Variants in BRINP3 observed in about 807,000 individuals in gnomAD.
The protein encoded by BRINP3 is BMP/retinoic acid inducible neural specific 3.
A neutral mutation model predicts 71.0 loss-of-function variants in BRINP3; 19 were observed. The ratio of observed to expected loss-of-function variants is 0.27; its 90% confidence interval spans 0.19 to 0.39. BRINP3 has a LOEUF of 0.39. Among genes scored for constraint, BRINP3 ranks in the 10% least tolerant of loss-of-function variants. BRINP3 has a pLI of 1.00. For synonymous variants in BRINP3, 380 were observed against 337.7 expected (o/e 1.13, Z -1.37); for missense variants, 959 against 940.8 (o/e 1.02, Z -0.25).
intron 2 of BRINP3, among the ~76,000 whole-genome samples, chr1:190,318,396 AT>A (rs1666025281): frequency 2.0e-5 from 3 of 152,094 alleles, no homozygotes; most frequent in Admixed American, 2.0e-4. Context: ...CTTTCACTTG[AT>A]TACAGGAGTT....
chr1:190,361,948 G>C (rs548848790), intron 2 of BRINP3: 1 of 152,158 alleles, frequency 6.6e-6, no homozygotes, highest in East Asian at 1.9e-4. Flanking sequence ...CTTTATAGAA[G>C]TAATTAGGGT....
chr1:190,350,772 C>T (rs940731087), intron 2 of BRINP3, among the ~76,000 whole-genome samples: 4 of 151,590 alleles, frequency 2.6e-5, no homozygotes, highest in Non-Finnish European at 5.9e-5. Flanking sequence ...TTATGTTCCC[C>T]ACTATAGTTT....
At chr1:190,291,475 T>C (rs1055353551) in intron 2 of BRINP3, among the ~76,000 whole-genome samples, 1 of 152,026 alleles carries the variant, frequency 6.6e-6, no homozygotes, top group African/African-American at 2.4e-5. Context: ...AAAAATACCC[T>C]GATTTGAAAA....
intron 2 of BRINP3, among the ~76,000 whole-genome samples, chr1:190,357,498 C>A (rs12084962): frequency 0.18 from 27,219 of 151,710 alleles, 2,646 homozygotes; most frequent in African/African-American, 0.23. Context: ...AATCTGTAGT[C>A]AGTGTGGTAT....
At chr1:190,259,615 AAAATAAATAAAT>A (rs144685496) in intron 4 of BRINP3, among the ~76,000 whole-genome samples, 2,337 of 140,136 alleles carry the variant, frequency 0.017, 42 homozygotes, top group African/African-American at 0.043. Context: ...AATTAGGCAA[AAAATAAATAAAT>A]AAATAAATAA....
At chr1:190,398,047 T>C (rs1671690555) in intron 2 of BRINP3, among the ~76,000 whole-genome samples, 1 of 152,130 alleles carries the variant, frequency 6.6e-6, no homozygotes, top group South Asian at 2.1e-4. Flanking sequence ...TGTGTTCTTT[T>C]AAGCCACAAG....
chr1:190,394,838 G>GAC (rs1329110538), intron 2 of BRINP3, among the ~76,000 whole-genome samples: 1 of 151,306 alleles, frequency 6.6e-6, no homozygotes, highest in Non-Finnish European at 1.5e-5. Flanking sequence ...TTAACTCTGG[G>GAC]GAGTACACAG....
intron 7 of BRINP3, among the ~76,000 whole-genome samples, chr1:190,139,451 C>CAAAA (rs11315431): frequency 6.9e-4 from 60 of 86,954 alleles, no homozygotes; most frequent in Middle Eastern, 6.0e-3. Flanking sequence ...GACTCTGTCT[C>CAAAA]AAAAAAAAAA....
At chr1:190,369,700 G>A (rs2102180742) in intron 2 of BRINP3, among the ~76,000 whole-genome samples, 1 of 151,982 alleles carries the variant, frequency 6.6e-6, no homozygotes, top group African/African-American at 2.4e-5. Flanking sequence ...GAGTATTTAT[G>A]TACTTTCTGT....
chr1:190,295,619 G>T (rs78150981), intron 2 of BRINP3, among the ~76,000 whole-genome samples: 2 of 152,114 alleles, frequency 1.3e-5, no homozygotes, highest in Non-Finnish European at 2.9e-5. Flanking sequence ...TACTTGGGTG[G>T]CAGATTCCTC....
intron 4 of BRINP3, among the ~76,000 whole-genome samples, chr1:190,237,436 T>C (rs1291544333): frequency 1.3e-5 from 2 of 151,794 alleles, no homozygotes; most frequent in African/African-American, 4.8e-5. Flanking sequence ...ATAAATTTAC[T>C]ACAGAGATGC....
intron 7 of BRINP3, among the ~76,000 whole-genome samples, chr1:190,117,834 C>T (rs1201967493): frequency 6.6e-6 from 1 of 152,024 alleles, no homozygotes; most frequent in Admixed American, 6.6e-5. Context: ...CATGTAGTTA[C>T]ATCACTTAAG....
At chr1:190,348,675 C>G (rs1405752128) in intron 2 of BRINP3, among the ~76,000 whole-genome samples, 1 of 152,096 alleles carries the variant, frequency 6.6e-6, no homozygotes, top group Non-Finnish European at 1.5e-5. Context: ...TCCAAAGAGT[C>G]TACTATTTTG....
At chr1:190,209,063 A>C (rs748530785) in intron 6 of BRINP3, among the ~76,000 whole-genome samples, 1 of 152,094 alleles carries the variant, frequency 6.6e-6, no homozygotes, top group Non-Finnish European at 1.5e-5. Context: ...GTAAATATTT[A>C]CTATGATTTT....
chr1:190,129,124 C>T (rs968455834), intron 7 of BRINP3, among the ~76,000 whole-genome samples: 1 of 151,720 alleles, frequency 6.6e-6, no homozygotes, highest in East Asian at 1.9e-4. Context: ...TATTTGATAT[C>T]ATCTGATAAT....
At chr1:190,348,539 T>G (rs1477332906) in intron 2 of BRINP3, among the ~76,000 whole-genome samples, 1 of 152,158 alleles carries the variant, frequency 6.6e-6, no homozygotes, top group Non-Finnish European at 1.5e-5. Context: ...TCCTGATATA[T>G]CTGAATGGTT....
chr1:190,382,026 C>T (rs16832305), intron 2 of BRINP3, among the ~76,000 whole-genome samples: 2 of 151,844 alleles, frequency 1.3e-5, no homozygotes, highest in Non-Finnish European at 2.9e-5. Context: ...ATATTGCATA[C>T]GACCATTTAT....
chr1:190,406,344 T>C (rs958159201), intron 2 of BRINP3, among the ~76,000 whole-genome samples: 1 of 152,186 alleles, frequency 6.6e-6, no homozygotes, highest in Non-Finnish European at 1.5e-5. Flanking sequence ...TCTACCATCA[T>C]ATTTTAATAT....
intron 2 of BRINP3, among the ~76,000 whole-genome samples, chr1:190,317,027 C>A (rs1207298293): frequency 6.6e-6 from 1 of 151,636 alleles, no homozygotes. Flanking sequence ...GAAAAATTAG[C>A]CGGGCATGAT....
Sources: gnomAD v4.1 joint callset for allele counts (sites outside exome capture counted in the v4.1 genomes callset) on GRCh38, gnomAD v4.1.1 for gene constraint, MANE v1.5 for transcripts, NCBI Gene and HGNC (gene_info 2026-07-23, HGNC 2026-07-21) for gene names.